The following BCS1L variants were observed in gnomAD, a reference collection of about 807,000 sequenced individuals.
BCS1L encodes the protein mitochondrial chaperone BCS1.
A neutral mutation model predicts 49.3 loss-of-function variants in BCS1L; 38 were observed. The ratio of observed to expected loss-of-function variants is 0.77; its 90% confidence interval spans 0.59 to 1.01. BCS1L has a LOEUF of 1.01. BCS1L is among the 50% of genes least tolerant of loss of function. The probability of loss-of-function intolerance (pLI) is 0.00; values close to 1 mark genes in which losing one functional copy is unlikely to be tolerated. For missense variants in BCS1L, 394 were observed against 540.2 expected (o/e 0.73, Z 2.68); for synonymous variants, 193 against 210.1 (o/e 0.92, Z 0.70).
intron 1 of BCS1L, 136 bp from the exon 2 acceptor site, chr2:218,660,803 C>A: frequency 3.2e-6 from 2 of 633,894 alleles, no homozygotes; most frequent in Non-Finnish European, 2.7e-6. Flanking sequence ...AGCCTCCACC[C>A]TTGCATTCCA....
rs1304045943 is a variant in BCS1L, at chr2:218,663,366, G to C, written c.1240G>C (p.Ala414Pro). Residue 414 changes from alanine to proline, a missense_variant, in exon 8 of 8, where the codon GCT becomes CCT. Ala to Pro is a conservative substitution (Grantham distance 27). Transcript: ENST00000359273. ...TGACCCTGTAGGGGCAATTCACAAT[G>C]CTGAGTCTCTGAGGAGGTGATCAGG... ...KNDPVGAIHN[A>P]ESLRR The C allele has an allele frequency of 6.2e-7, 1 of 1,614,010 alleles. No homozygotes were observed. The highest frequency in any genetic ancestry group is 8.5e-7 in the Non-Finnish European group (1 of 1,180,050).
At position 218,660,926 on chromosome 2, in the gene BCS1L, TC is replaced by T; in HGVS notation, c.-49-9del. ...CTGTGCTTTGTCCCATCTCCACTGT[TC>T]CCCACCCCTAGGTTTTCGTAACACC... On this transcript the variant is annotated splice_polypyrimidine_tract_variant and intron_variant, in intron 1 of 7. Coordinates refer to ENST00000359273, the MANE Select transcript of BCS1L (RefSeq NM_001079866.2). 4 of 1,579,720 alleles carry T rather than the reference TC, an allele frequency of 2.5e-6. No homozygotes were observed. The South Asian group carries it at 4.5e-5, about 18-fold the overall frequency.
Position 218,662,412 on chromosome 2 carries a change from C to T in BCS1L, c.720-98C>T. On this transcript the variant is annotated intron_variant, in intron 5 of 7. Coordinates refer to ENST00000359273, the MANE Select transcript of BCS1L (RefSeq NM_001079866.2). The surrounding 1 kb of genome is among the most constrained non-coding windows in gnomAD (Gnocchi z 5.8). ...ATCAGGGTGTGAGGTAGAAGTCAGG[C>T]CTCTGAGACACATGTCCCCAGGCGG... 1 of 1,543,950 alleles carries T rather than the reference C, an allele frequency of 6.5e-7. No individual in the cohort carries two copies. The highest frequency in any genetic ancestry group is 8.9e-7 in the Non-Finnish European group (1 of 1,119,854).
Position 218,661,998 on chromosome 2 carries a change from T to C in BCS1L, c.655+45T>C, listed in dbSNP as rs1939514297. On this transcript the variant is annotated intron_variant, in intron 4 of 7. Transcript: ENST00000359273. This position sits in a 1 kb window ranked among gnomAD's most constrained non-coding sequence, Gnocchi z 5.9. ...TTGGCTGTGCTGTTTTTGACATTTT[T>C]AGAAGGGACAGGTTGGTCTCCAGCC... 1 of 1,598,944 alleles carries C rather than the reference T, an allele frequency of 6.3e-7. No homozygotes were observed. The highest frequency in any genetic ancestry group is 8.6e-7 in the Non-Finnish European group (1 of 1,168,412).
chr2:218,661,934 C>T lies in BCS1L; in HGVS notation c.636C>T (p.Pro212=). The T allele has an allele frequency of 1.2e-6, 2 of 1,614,108 alleles. No homozygotes were observed. The highest frequency in any genetic ancestry group is 1.7e-6 in the Non-Finnish European group (2 of 1,180,012). Residue 212 remains proline, a synonymous_variant, in exon 4 of 8, where the codon CCC becomes CCT. Coordinates refer to ENST00000359273, the MANE Select transcript of BCS1L (RefSeq NM_001079866.2). This position sits in a 1 kb window ranked among gnomAD's most constrained non-coding sequence, Gnocchi z 5.9. ...VRDVQEFIDN[P]KWYTDRGIPY... ...ACGTCCAGGAATTCATCGATAACCCCAAGTGGTACACTGACAGAGGTGAGA... is the reference window on the plus strand; with the variant it reads ...ACGTCCAGGAATTCATCGATAACCCTAAGTGGTACACTGACAGAGGTGAGA...
Position 218,661,945 on chromosome 2 carries a change from C to T in BCS1L, c.647C>T (p.Thr216Ile). The part of the protein sequence containing the change: ...QEFIDNPKWY[T>I]DRGIPYRRGY... ...TTCATCGATAACCCCAAGTGGTACA[C>T]TGACAGAGGTGAGAAGCAGCTGGGG... Residue 216 changes from threonine to isoleucine, a missense_variant, in exon 4 of 8, where the codon ACT becomes ATT. By Grantham distance (89) the Thr-to-Ile change is moderately conservative. Transcript: ENST00000359273. The surrounding 1 kb of genome is among the most constrained non-coding windows in gnomAD (Gnocchi z 5.9). 1 of 1,614,046 alleles carries T rather than the reference C, an allele frequency of 6.2e-7. No homozygotes were observed. Among genetic ancestry groups the T allele is most frequent in the Non-Finnish European group, 8.5e-7 (1 of 1,179,988 alleles).
Position 218,662,193 on chromosome 2 carries a change from C to G in BCS1L, c.656-4C>G. ...AGACATGATCATCCTGGCTCTATCC[C>G]TAGGCATTCCTTACAGACGTGGCTA... On this transcript the variant is annotated splice_region_variant and splice_polypyrimidine_tract_variant and intron_variant, in intron 4 of 7. Transcript: ENST00000359273. The surrounding 1 kb of genome is among the most constrained non-coding windows in gnomAD (Gnocchi z 5.8). The G allele has an allele frequency of 6.2e-7, 1 of 1,613,864 alleles. No individual in the cohort carries two copies. The highest frequency in any genetic ancestry group is 1.3e-5 in the African/African-American group (1 of 75,046).
chr2:218,663,115 T>C lies in BCS1L; in HGVS notation c.1008-19T>C. Reference sequence around the variant, plus strand: ...TCTGTTGGGTGCTAGTGTGACCTGCTTTCCCTGTCTTCTCTCAGGCTGGAC... The same window carrying C: ...TCTGTTGGGTGCTAGTGTGACCTGCCTTCCCTGTCTTCTCTCAGGCTGGAC... On this transcript the variant is annotated intron_variant, in intron 7 of 7. Transcript: ENST00000359273. The C allele has an allele frequency of 6.2e-7, 1 of 1,614,178 alleles. No homozygotes were observed. Among genetic ancestry groups the C allele is most frequent in the South Asian group, 1.1e-5 (1 of 91,088 alleles).
rs386833858 is a variant in BCS1L at position 218,662,973 on chromosome 2, T to C, written c.980T>C (p.Val327Ala). 17 of 1,612,194 alleles carry C rather than the reference T, an allele frequency of 1.1e-5. No individual in the cohort carries two copies. The highest frequency in any genetic ancestry group is 1.4e-5 in the Non-Finnish European group (17 of 1,179,578). Residue 327 changes from valine to alanine, a missense_variant, in exon 7 of 8, where the codon GTG (valine) becomes GCG (alanine). Val to Ala is a moderately conservative substitution (Grantham distance 64, BLOSUM62 0). Coordinates refer to ENST00000359273, the MANE Select transcript of BCS1L (RefSeq NM_001079866.2). This position sits in a 1 kb window ranked among gnomAD's most constrained non-coding sequence, Gnocchi z 5.8. Reference sequence around the variant, plus strand: ...GTGGCTTCCACCGAGGCCCGCATCGTGTTCATGACCACCAACCACGTTGAC... The same window carrying C: ...GTGGCTTCCACCGAGGCCCGCATCGCGTTCATGACCACCAACCACGTTGAC... Reference protein sequence around the residue: ...DGVASTEARIVFMTTNHVDRL... With the variant: ...DGVASTEARIAFMTTNHVDRL...
Position 218,663,045 on chromosome 2 carries a change from T to A in BCS1L, c.1007+45T>A, listed in dbSNP as rs563252324. 4.1e-5 allele frequency: 66 copies of A among 1,613,830 alleles called. No individual in the cohort carries two copies. The South Asian group carries it at 4.5e-4, about 11-fold the overall frequency. On this transcript the variant is annotated intron_variant, in intron 7 of 7. Coordinates refer to ENST00000359273, the MANE Select transcript of BCS1L (RefSeq NM_001079866.2). ...CCTGAGACTTAGGCAAGAGCCCACC[T>A]CCTCCCCTAGTGCCTTGGGAGGAAC...
In BCS1L at chr2:218,661,535, C is replaced by T. The variant is rs750499133; in HGVS notation, c.450C>T (p.Ile150=). The T allele has an allele frequency of 5.6e-6, 9 of 1,614,126 alleles. No homozygotes were observed. Among genetic ancestry groups the T allele is most frequent in the Non-Finnish European group, 6.8e-6 (8 of 1,180,030 alleles). ...CTGACCGAAAGGTTTTCTTCAACAT[C>T]CTGGAGGAAGGTGTGGGATGGCACA... ...LGTDRKVFFN[I]LEEARELALQ... is the part of the protein sequence containing the mutation. The change falls in exon 3 of 8, where the codon ATC becomes ATT. Residue 150 remains isoleucine, a synonymous_variant. Transcript: ENST00000359273. The surrounding 1 kb of genome is among the most constrained non-coding windows in gnomAD (Gnocchi z 5.9).
Position 218,663,393 on chromosome 2 carries a change from T to TG in BCS1L, c.*10dup. 6.2e-7 allele frequency: 1 copy of TG among 1,613,974 alleles called. No individual in the cohort carries two copies. The highest frequency in any genetic ancestry group is 2.2e-5 in the East Asian group (1 of 44,892). Reference sequence around the variant, plus strand: ...TGAGTCTCTGAGGAGGTGATCAGGCTGGGCTCAGCTCAGCTCTCCTCCTCT... The same window carrying TG: ...TGAGTCTCTGAGGAGGTGATCAGGCTGGGGCTCAGCTCAGCTCTCCTCCTCT... On this transcript the variant is annotated 3_prime_UTR_variant, in exon 8 of 8. Transcript: ENST00000359273.
rs2106328101 is a variant in BCS1L at position 218,662,316 on chromosome 2, A to G, written c.719+56A>G. Reference sequence around the variant, plus strand: ...AAAACGAAGCCTTTGTGGAAACACTAGGCTGATAGGGTTGGAAGGGGAAAT... The same window carrying G: ...AAAACGAAGCCTTTGTGGAAACACTGGGCTGATAGGGTTGGAAGGGGAAAT... On this transcript the variant is annotated intron_variant, in intron 5 of 7. Coordinates refer to ENST00000359273, the MANE Select transcript of BCS1L (RefSeq NM_001079866.2). This position sits in a 1 kb window ranked among gnomAD's most constrained non-coding sequence, Gnocchi z 5.8. 6.4e-7 allele frequency: 1 copy of G among 1,555,504 alleles called. No individual in the cohort carries two copies. The highest frequency in any genetic ancestry group is 1.7e-5 in the Admixed American group (1 of 59,934).
rs377365292 is a variant in BCS1L at position 218,661,537 on chromosome 2, T to G, written c.452T>G (p.Leu151Arg). The G allele has an allele frequency of 1.2e-6, 2 of 1,613,996 alleles. No homozygotes were observed. The highest frequency in any genetic ancestry group is 2.7e-5 in the African/African-American group (2 of 74,912). ...GTDRKVFFNI[L>R]EEARELALQQ... ...GACCGAAAGGTTTTCTTCAACATCC[T>G]GGAGGAAGGTGTGGGATGGCACAGG... is the stretch of plus-strand genomic sequence containing the variant. Residue 151 changes from leucine to arginine, a missense_variant, in exon 3 of 8, where the codon CTG becomes CGG. Physicochemically the swap from Leu to Arg is moderately radical, Grantham distance 102. Coordinates refer to ENST00000359273, the MANE Select transcript of BCS1L (RefSeq NM_001079866.2). The surrounding 1 kb of genome is among the most constrained non-coding windows in gnomAD (Gnocchi z 5.9).
rs1384653737 is a variant in BCS1L at position 218,663,123 on chromosome 2, T to C, written c.1008-11T>C. ...GTGCTAGTGTGACCTGCTTTCCCTG[T>C]CTTCTCTCAGGCTGGACCCTGCCCT... On this transcript the variant is annotated splice_polypyrimidine_tract_variant and intron_variant, in intron 7 of 7. Coordinates refer to ENST00000359273, the MANE Select transcript of BCS1L (RefSeq NM_001079866.2). 1.2e-6 allele frequency: 2 copies of C among 1,614,182 alleles called. No homozygotes were observed. Among genetic ancestry groups the C allele is most frequent in the Non-Finnish European group, 1.7e-6 (2 of 1,180,022 alleles).
Position 218,661,368 on chromosome 2 carries a change from A to T in BCS1L, c.321-38A>T, listed in dbSNP as rs1939403357. 5.6e-6 allele frequency: 9 copies of T among 1,614,164 alleles called. No individual in the cohort carries two copies. The highest frequency in any genetic ancestry group is 7.6e-6 in the Non-Finnish European group (9 of 1,180,032). On this transcript the variant is annotated intron_variant, in intron 2 of 7. Coordinates refer to ENST00000359273, the MANE Select transcript of BCS1L (RefSeq NM_001079866.2). The surrounding 1 kb of genome is among the most constrained non-coding windows in gnomAD (Gnocchi z 5.9). Reference sequence around the variant, plus strand: ...AAAAGAATGATGGGAGCTGGGTTTGACCCATTCACTCACTCAGTTTTGATC... The same window carrying T: ...AAAAGAATGATGGGAGCTGGGTTTGTCCCATTCACTCACTCAGTTTTGATC...
Position 218,662,100 on chromosome 2 carries a change from T to C in BCS1L, c.656-97T>C. ...AAAAGTTGTGTATGAGAATGATTTA[T>C]TTCCGTACCAAGGTTATCAGGCTTC... On this transcript the variant is annotated intron_variant, in intron 4 of 7. Coordinates refer to ENST00000359273, the MANE Select transcript of BCS1L (RefSeq NM_001079866.2). The surrounding 1 kb of genome is among the most constrained non-coding windows in gnomAD (Gnocchi z 5.8). 1.3e-6 allele frequency: 2 copies of C among 1,504,228 alleles called. No individual in the cohort carries two copies. Among genetic ancestry groups the C allele is most frequent in the Non-Finnish European group, 1.9e-6 (2 of 1,080,644 alleles). 93.2% of individuals were successfully genotyped at this position (1,504,228 alleles called of 1,614,324 possible). A position where few individuals can be genotyped will look rare whatever the true frequency, so the allele number is the denominator to read the frequency against.
At position 218,661,591 on chromosome 2, in the gene BCS1L, G is replaced by A. The variant is rs758462006; in HGVS notation, c.460+46G>A. ...GCTTTCTAGGGACATTGCAGGGATGGGGACATTTGACATCAGATGAGCAGT... is the reference window on the plus strand; with the variant it reads ...GCTTTCTAGGGACATTGCAGGGATGAGGACATTTGACATCAGATGAGCAGT... On this transcript the variant is annotated intron_variant, in intron 3 of 7. Coordinates refer to ENST00000359273, the MANE Select transcript of BCS1L (RefSeq NM_001079866.2). The surrounding 1 kb of genome is among the most constrained non-coding windows in gnomAD (Gnocchi z 5.9). 1 of 1,611,522 alleles carries A rather than the reference G, an allele frequency of 6.2e-7. No individual in the cohort carries two copies. Among genetic ancestry groups the A allele is most frequent in the Non-Finnish European group, 8.5e-7 (1 of 1,178,944 alleles).
upstream of BCS1L, chr2:218,659,602 G>A (rs1379574537): frequency 1.3e-5 from 2 of 152,296 alleles, no homozygotes; most frequent in African/African-American, 2.4e-5. The surrounding 1 kb of genome is among the most constrained non-coding windows in gnomAD (Gnocchi z 4.4). Context: ...GCACCATCGA[G>A]AGCTCTGGGG....
Sources: allele counts gnomAD v4.1 joint callset, GRCh38; gene constraint gnomAD v4.1.1; non-coding constraint Gnocchi (gnomAD v3.1); transcripts MANE v1.5; gene names NCBI Gene and HGNC (gene_info 2026-07-23, HGNC 2026-07-21).